Variants in MARF1 observed in about 807,000 individuals in gnomAD.
MARF1 encodes the protein limkain-b1.
In MARF1, 24 loss-of-function variants were observed where a neutral mutation model predicts 168.2. That is an observed-to-expected ratio of 0.14 (90% CI 0.10 to 0.20). The LOEUF is 0.20. Among genes scored for constraint, MARF1 ranks in the 10% least tolerant of loss-of-function variants. The probability of loss-of-function intolerance (pLI) is 1.00; values close to 1 mark genes in which losing one functional copy is unlikely to be tolerated. For missense variants in MARF1, 1,744 were observed against 2,143.6 expected, an observed-to-expected ratio of 0.81 and a Z score of 3.68; for synonymous variants, 868 against 822.4, an observed-to-expected ratio of 1.06 and a Z score of -0.95.
chr16:15,600,584 A>G (rs367618780), intron 24 of MARF1, 31 bp from the exon 25 acceptor site: 4 of 1,614,056 alleles, frequency 2.5e-6, no homozygotes, highest in Middle Eastern at 1.6e-4. Context: ...GTCAGAGAGA[A>G]ATGTCAGTGA....
At chr16:15,622,550 C>T (rs917118672) in intron 11 of MARF1, among the ~76,000 whole-genome samples, 2 of 152,140 alleles carry the variant, frequency 1.3e-5, no homozygotes, top group Non-Finnish European at 2.9e-5. Flanking sequence ...CACCACCACG[C>T]CCGGCTAATT....
intron 22 of MARF1, among the ~76,000 whole-genome samples, chr16:15,603,483 T>G (rs1193168969): frequency 6.6e-6 from 1 of 152,006 alleles, no homozygotes; most frequent in Non-Finnish European, 1.5e-5. Context: ...CCCAGAATGG[T>G]TTTTTAAAAG....
At chr16:15,621,613 T>C (rs1350752439) in intron 12 of MARF1, 120 bp downstream of exon 12, 1 of 934,350 alleles carries the variant, frequency 1.1e-6, no homozygotes. Context: ...GAATAAGCAT[T>C]ATTCCACATG....
At chr16:15,602,535 AGAAGAC>A (rs1176291635) in intron 22 of MARF1, 3 of 514,350 alleles carry the variant, frequency 5.8e-6, no homozygotes, top group Non-Finnish European at 1.1e-5. Context: ...ACGACGATAA[AGAAGAC>A]GAAGACGACG....
At chr16:15,613,653 T>C (rs1471194150) in intron 16 of MARF1, among the ~76,000 whole-genome samples, 3 of 44,592 alleles carry the variant, frequency 6.7e-5, no homozygotes, top group Non-Finnish European at 1.4e-4. Flanking sequence ...CAGAGCGAGA[T>C]TCCGTCTCAA....
chr16:15,600,714 C>T lies in MARF1; in HGVS notation c.4627-13G>A. On this transcript the variant is annotated splice_polypyrimidine_tract_variant and intron_variant, in intron 23 of 26. Coordinates refer to ENST00000396368, the MANE Select transcript of MARF1 (RefSeq NM_014647.4). ...TTATCCAGACCACCTGCACACAAGA[C>T]ATACTACTGGTTAAGCAGCGGAAAA... 6.2e-7 allele frequency: 1 copy of T among 1,613,556 alleles called. No individual in the cohort carries two copies.
At position 15,624,708 on chromosome 16, in the gene MARF1, CT is replaced by C. The variant is rs1320733384; in HGVS notation, c.2270+60del. ...ATCTGAATTCTTTTCAACAAACATA[CT>C]ATTTCATAATCCTTCCTATTACATG... On this transcript the variant is annotated intron_variant, in intron 10 of 26. Coordinates refer to ENST00000396368, the MANE Select transcript of MARF1 (RefSeq NM_014647.4). The C allele has an allele frequency of 3.4e-6, 5 of 1,480,120 alleles. No individual in the cohort carries two copies. The East Asian group carries it at 1.1e-4, about 33-fold the overall frequency. The allele number at this position is 1,480,120 out of a possible 1,614,324, so 91.7% of individuals were successfully genotyped here. A position where few individuals can be genotyped will look rare whatever the true frequency, so the allele number is the denominator to read the frequency against.
At chr16:15,615,353 C>T (rs2033958732) in intron 16 of MARF1, among the ~76,000 whole-genome samples, 1 of 151,964 alleles carries the variant, frequency 6.6e-6, no homozygotes, top group Admixed American at 6.6e-5. Flanking sequence ...AGGCCGGTTG[C>T]TGTGGCTCAG....
In MARF1 at chr16:15,599,154, TAAAAAA is replaced by T. The variant is rs565989147; in HGVS notation, c.4814-136_4814-131del. 46 of 299,212 alleles carry T rather than the reference TAAAAAA, an allele frequency of 1.5e-4. No individual in the cohort carries two copies. In the East Asian group the frequency reaches 1.8e-3, roughly 12 times the overall value. 18.5% of individuals were successfully genotyped at this position (299,212 alleles called of 1,614,324 possible). ...GAGAGTCAAGAAGTATTTAAGGTAT[TAAAAAA>T]AAAAAAAAAAAAAAACAAAAACCCA... On this transcript the variant is annotated intron_variant, in intron 25 of 26. Coordinates refer to ENST00000396368, the MANE Select transcript of MARF1 (RefSeq NM_014647.4).
chr16:15,633,158 T>TAA (rs71134442), intron 5 of MARF1, among the ~76,000 whole-genome samples: 3 of 125,118 alleles, frequency 2.4e-5, no homozygotes, highest in Non-Finnish European at 5.1e-5. Flanking sequence ...ATCAGAATTC[T>TAA]AAAAAAAAAA....
chr16:15,617,660 T>G (rs2034167806), intron 13 of MARF1, 125 bp from the exon 14 acceptor site: 5 of 684,142 alleles, frequency 7.3e-6, no homozygotes, highest in Admixed American at 2.6e-5. Flanking sequence ...AAGGTAAAAC[T>G]GGAATAATTC....
chr16:15,641,290 A>G (rs2035934580), intron 1 of MARF1, among the ~76,000 whole-genome samples: 1 of 152,160 alleles, frequency 6.6e-6, no homozygotes, highest in African/African-American at 2.4e-5. Context: ...ACTACACACT[A>G]TTGGGAGTGG....
At chr16:15,638,683 A>G (rs1251722500) in intron 2 of MARF1, among the ~76,000 whole-genome samples, 2 of 152,204 alleles carry the variant, frequency 1.3e-5, no homozygotes, top group Non-Finnish European at 2.9e-5. Flanking sequence ...AAATCTCGAA[A>G]TAAAAAACAG....
intron 11 of MARF1, 80 bp downstream of exon 11, chr16:15,622,854 A>AT: frequency 8.7e-7 from 1 of 1,147,718 alleles, no homozygotes; most frequent in African/African-American, 1.5e-5. Context: ...GGCTGTGGTT[A>AT]TGTATATCAA....
chr16:15,601,372 C>T (rs1200764762), intron 23 of MARF1: 1 of 289,820 alleles, frequency 3.5e-6, no homozygotes, highest in Non-Finnish European at 6.8e-6. Context: ...CTGCTTCTCT[C>T]GGCTCTACCA....
intron 21 of MARF1, 71 bp from the exon 22 acceptor site, chr16:15,604,469 A>C: frequency 6.7e-5 from 72 of 1,074,822 alleles, no homozygotes; most frequent in Non-Finnish European, 9.4e-5. Context: ...AACTCAGCTC[A>C]CTTCATTTTG....
chr16:15,617,507 G>C lies in MARF1; in HGVS notation c.2749C>G (p.Leu917Val). The change falls in exon 14 of 27, where the codon CTA (leucine) becomes GTA (valine). Residue 917 changes from leucine (L) to valine (V), a missense_variant. Coordinates refer to ENST00000396368, the MANE Select transcript of MARF1 (RefSeq NM_014647.4). ...KFGHKLNVSD[L>V]YKLTDTVAIR... Reference sequence around the variant, plus strand: ...GCGACCGTGTCTGTTAATTTATATAGATCTGACACATTCAACTTGTGTCCA... The same window carrying C: ...GCGACCGTGTCTGTTAATTTATATACATCTGACACATTCAACTTGTGTCCA... The C allele has an allele frequency of 6.2e-7, 1 of 1,612,642 alleles. No individual in the cohort carries two copies. The highest frequency in any genetic ancestry group is 1.1e-5 in the South Asian group (1 of 90,976).
chr16:15,613,309 T>C (rs1422450210), intron 16 of MARF1, among the ~76,000 whole-genome samples: 1 of 152,144 alleles, frequency 6.6e-6, no homozygotes, highest in Admixed American at 6.6e-5. Flanking sequence ...TGACTGCTTA[T>C]ACCTATTAAA....
At chr16:15,599,258 AG>A (rs1228054793) in intron 25 of MARF1, 8 of 556,878 alleles carry the variant, frequency 1.4e-5, no homozygotes, top group East Asian at 3.0e-5. Flanking sequence ...CCGTGTTCTT[AG>A]GAACACTGGC....
Sources: allele counts gnomAD v4.1 joint callset (sites outside exome capture counted in the v4.1 genomes callset), GRCh38; gene constraint gnomAD v4.1.1; transcripts MANE v1.5; gene names NCBI Gene and HGNC (gene_info 2026-07-23, HGNC 2026-07-21).